ACP2: variants seen among roughly 807,000 people sequenced by gnomAD.
ACP2 encodes the protein lysosomal acid phosphatase.
A neutral mutation model predicts 54.7 loss-of-function variants in ACP2; 35 were observed. The ratio of observed to expected loss-of-function variants is 0.64; its 90% CI spans 0.49 to 0.85. The LOEUF is 0.85. ACP2 is among the 40% of genes least tolerant of loss of function. The pLI, the probability that ACP2 is intolerant of heterozygous loss-of-function variation, is 0.00. For synonymous variants in ACP2, 210 were observed against 224.4 expected (o/e 0.94, Z 0.57); for missense variants, 492 against 565.0 (o/e 0.87, Z 1.31).
At chr11:47,247,561 C>T in intron 3 of ACP2, 80 bp downstream of exon 3, 2 of 1,536,752 alleles carry the variant, frequency 1.3e-6, no homozygotes, top group Non-Finnish European at 1.8e-6. Flanking sequence ...AAGTGCCCAG[C>T]CTCAGCCTTA....
At chr11:47,243,153 A>G in intron 8 of ACP2, 29 bp from the exon 9 acceptor site, 2 of 1,613,398 alleles carry the variant, frequency 1.2e-6, no homozygotes, top group Non-Finnish European at 1.7e-6. Context: ...GCCCGTCAGC[A>G]TTGTTCCCCA....
intron 2 of ACP2, 57 bp from the exon 3 acceptor site, chr11:47,247,784 CA>C: frequency 1.9e-6 from 3 of 1,560,008 alleles, no homozygotes; most frequent in Non-Finnish European, 2.6e-6. Context: ...CTTCAAGCCC[CA>C]TGGGGTTTAG....
chr11:47,248,616 C>T, intron 1 of ACP2, 60 bp downstream of exon 1: 1 of 1,564,094 alleles, frequency 6.4e-7, no homozygotes, highest in South Asian at 1.2e-5. Context: ...TCGACCTCCA[C>T]CAGCTGGCCT....
chr11:47,248,507 A>T (rs1379203544), intron 1 of ACP2, 169 bp downstream of exon 1: 1 of 1,550,628 alleles, frequency 6.4e-7, no homozygotes, highest in Non-Finnish European at 8.7e-7. Flanking sequence ...GGTCATCCTG[A>T]CTCCCATAAG....
At position 47,244,666 on chromosome 11, in the gene ACP2, C is replaced by T. The variant is rs923201729; in HGVS notation, c.772+69G>A. On this transcript the variant is annotated intron_variant, in intron 7 of 10. Coordinates refer to ENST00000672073, the MANE Select transcript of ACP2 (RefSeq NM_001610.4). Reference sequence around the variant, plus strand: ...AGTAGAGAGGGAAGTGTGTGAGAAGCCCCCACAGCAGATTTTTAACGCCTT... The same window carrying T: ...AGTAGAGAGGGAAGTGTGTGAGAAGTCCCCACAGCAGATTTTTAACGCCTT... The T allele has an allele frequency of 1.7e-5, 21 of 1,261,030 alleles. No individual in the cohort carries two copies. The Admixed American group carries it at 2.9e-4, about 17-fold the overall frequency. 78.1% of individuals were successfully genotyped at this position (1,261,030 alleles called of 1,614,324 possible).
rs565558461 is a variant in ACP2, at chr11:47,243,278, C to T, written c.816G>A (p.Ala272=). The change falls in exon 8 of 11, where the codon GCG becomes GCA. Residue 272 remains alanine (A), a synonymous_variant. Transcript: ENST00000672073. ...AQIRKNLTLM[A]TTSQLPKLLV... is the part of the protein sequence containing the mutation. ...GCAGCTTGGGGAGCTGGGAGGTGGT[C>T]GCCATTAGGGTCAGGTTCTTCCTTA... is the stretch of plus-strand genomic sequence containing the variant. The T allele has an allele frequency of 2.4e-5, 39 of 1,614,142 alleles. No individual in the cohort carries two copies. The Middle Eastern group carries it at 4.9e-4, about 20-fold the overall frequency.
At chr11:47,248,215 G>A (rs935622773) in intron 1 of ACP2, 82 bp from the exon 2 acceptor site, 3 of 1,374,126 alleles carry the variant, frequency 2.2e-6, no homozygotes, top group Non-Finnish European at 3.0e-6. Context: ...CCCCATGTTA[G>A]GGAAGGAAGT....
intron 10 of ACP2, among the ~76,000 whole-genome samples, chr11:47,240,873 G>C (rs1282516891): frequency 1.3e-5 from 2 of 151,882 alleles, no homozygotes; most frequent in Non-Finnish European, 2.9e-5. Context: ...GTGATACAGA[G>C]AGACAAAGCA....
At chr11:47,242,676 C>A (rs1953915705) in intron 10 of ACP2, 47 bp downstream of exon 10, 1 of 1,579,976 alleles carries the variant, frequency 6.3e-7, no homozygotes, top group South Asian at 1.1e-5. Context: ...ATGTGAACTG[C>A]AGGCTGGTCT....
intron 3 of ACP2, among the ~76,000 whole-genome samples, chr11:47,246,466 C>T (rs1954091051): frequency 6.6e-6 from 1 of 151,992 alleles, no homozygotes; most frequent in African/African-American, 2.4e-5. Context: ...GTCCCAGCTA[C>T]TTGGGATGCT....
At position 47,248,453 on chromosome 11, in the gene ACP2, T is replaced by G. The variant is rs1211487951; in HGVS notation, c.114+223A>C. ...TTCTTTAGGGATGAGTCTTAACCAT[T>G]CAACCACTTCCCTGTCTCAAGGCAG... On this transcript the variant is annotated intron_variant, in intron 1 of 10. Transcript: ENST00000672073. 3 of 1,544,714 alleles carry G rather than the reference T, an allele frequency of 1.9e-6. No individual in the cohort carries two copies. The East Asian group carries it at 7.3e-5, about 38-fold the overall frequency.
rs1310079305 is a variant in ACP2, at chr11:47,243,225, G to A, written c.855+14C>T. 1 of 1,614,138 alleles carries A rather than the reference G, an allele frequency of 6.2e-7. No individual in the cohort carries two copies. Among genetic ancestry groups the A allele is most frequent in the Non-Finnish European group, 8.5e-7 (1 of 1,179,978 alleles). ...CTTGCCTGACACAGCACGCTAGGGA[G>A]CGCAGGCACTCACCGCAGAGTAAAC... is the stretch of plus-strand genomic sequence containing the variant. On this transcript the variant is annotated intron_variant, in intron 8 of 10. Transcript: ENST00000672073.
chr11:47,243,564 C>A (rs1455267188), intron 7 of ACP2, among the ~76,000 whole-genome samples: 1 of 152,200 alleles, frequency 6.6e-6, no homozygotes. Flanking sequence ...GATGTAGAAA[C>A]CTGCCTGTGT....
chr11:47,247,676 G>T lies in ACP2; in HGVS notation c.262C>A (p.His88Asn). The T allele has an allele frequency of 6.2e-7, 1 of 1,614,168 alleles. No homozygotes were observed. The change falls in exon 3 of 11, where the codon CAC becomes AAC. Residue 88 changes from histidine (H) to asparagine (N), a missense_variant. His to Asn is a moderately conservative substitution (Grantham distance 68). Transcript: ENST00000672073. ...ELGQALRQRYHGFLNTSYHRQ... is the reference protein window; with the variant it reads ...ELGQALRQRYNGFLNTSYHRQ... ...TGATAAGAGGTGTTTAGGAAGCCGTGATAGCGCTGCCGCAGGGCCTGGCCC... is the reference window on the plus strand; with the variant it reads ...TGATAAGAGGTGTTTAGGAAGCCGTTATAGCGCTGCCGCAGGGCCTGGCCC...
chr11:47,243,218 C>T, intron 8 of ACP2, 21 bp downstream of exon 8: 1 of 1,614,048 alleles, frequency 6.2e-7, no homozygotes, highest in Non-Finnish European at 8.5e-7. Context: ...ACACAGCACG[C>T]TAGGGAGCGC....
chr11:47,241,865 T>C (rs1953891166), intron 10 of ACP2, among the ~76,000 whole-genome samples: 1 of 152,146 alleles, frequency 6.6e-6, no homozygotes, highest in African/African-American at 2.4e-5. Flanking sequence ...AACATGCATG[T>C]AGAGATCTCA....
At chr11:47,244,661 A>T in intron 7 of ACP2, 74 bp downstream of exon 7, 1 of 1,217,218 alleles carries the variant, frequency 8.2e-7, no homozygotes, top group Non-Finnish European at 1.1e-6. Context: ...GAAGTGTGTG[A>T]GAAGCCCCCA....
chr11:47,247,786 T>G, intron 2 of ACP2, 59 bp from the exon 3 acceptor site: 1 of 1,543,760 alleles, frequency 6.5e-7, no homozygotes, highest in South Asian at 1.1e-5. Flanking sequence ...TCAAGCCCCA[T>G]GGGGTTTAGG....
At chr11:47,242,593 C>T (rs1953912975) in intron 10 of ACP2, 130 bp downstream of exon 10, 5 of 1,070,340 alleles carry the variant, frequency 4.7e-6, no homozygotes, top group Non-Finnish European at 6.9e-6. Flanking sequence ...ATAAAGCAGT[C>T]TGGGGTCGGG....
Sources: gnomAD v4.1 joint callset for allele counts (sites outside exome capture counted in the v4.1 genomes callset) on GRCh38, gnomAD v4.1.1 for gene constraint, MANE v1.5 for transcripts, NCBI Gene and HGNC (gene_info 2026-07-23, HGNC 2026-07-21) for gene names.